Variants in SCIN observed in about 807,000 individuals in gnomAD.
The protein encoded by SCIN is scinderin.
SCIN carries 91 observed loss-of-function variants against 91.8 expected under a neutral mutation model. That is an observed-to-expected ratio of 0.99 (90% CI 0.84 to 1.18). SCIN has a LOEUF of 1.18. SCIN is among the 50% of genes most tolerant of loss of function. SCIN has a pLI of 0.00. For synonymous variants in SCIN, 367 were observed against 312.6 expected (o/e 1.17, Z -1.84); for missense variants, 1,087 against 863.9 (o/e 1.26, Z -3.24).
In SCIN at chr7:12,578,096, G is replaced by A; in HGVS notation, c.232G>A (p.Ala78Thr). 6.5e-7 allele frequency: 1 copy of A among 1,547,788 alleles called. No homozygotes were observed. The highest frequency in any genetic ancestry group is 8.7e-7 in the Non-Finnish European group (1 of 1,145,196). Residue 78 changes from alanine (A) to threonine (T), a missense_variant, in exon 2 of 16, where the codon GCT becomes ACT. Transcript: ENST00000297029. ...KECSQDESTA[A>T]AIFTVQMDDY... ...GTGTTCCCAGGATGAAAGCACAGCT[G>A]CTGCCATCTTCACTGTTCAGATGGA...
intron 9 of SCIN, among the ~76,000 whole-genome samples, chr7:12,629,559 T>TA (rs1371980391): frequency 6.6e-6 from 1 of 152,156 alleles, no homozygotes; most frequent in Non-Finnish European, 1.5e-5. Context: ...CATGGTTTCT[T>TA]ATGGTTAAAA....
At chr7:12,571,569 G>A (rs541705715) in intron 1 of SCIN, 1 of 468,240 alleles carries the variant, frequency 2.1e-6, no homozygotes, top group East Asian at 7.0e-5. Context: ...CATGCTGCTT[G>A]TGGGTCTGGT....
intron 5 of SCIN, among the ~76,000 whole-genome samples, chr7:12,624,760 G>T (rs1433367180): frequency 6.6e-6 from 1 of 152,030 alleles, no homozygotes; most frequent in African/African-American, 2.4e-5. Flanking sequence ...TTTATTTGTA[G>T]TTCCTTTACC....
chr7:12,596,586 A>C (rs1782847263), intron 3 of SCIN, among the ~76,000 whole-genome samples: 1 of 152,194 alleles, frequency 6.6e-6, no homozygotes, highest in Admixed American at 6.5e-5. Context: ...ACCTGTAACA[A>C]TACGCATGAA....
In SCIN at chr7:12,570,985, G is replaced by A. The variant is rs550577206; in HGVS notation, c.199G>A (p.Gly67Arg). Residue 67 changes from glycine (G) to arginine (R), a missense_variant and splice_region_variant, in exon 1 of 16, where the codon GGA becomes AGA. Physicochemically the swap from Gly to Arg is moderately radical, Grantham distance 125. Coordinates refer to ENST00000297029, the MANE Select transcript of SCIN (RefSeq NM_001112706.3). ...CACCTACCACCTGCACTTCTGGCTC[G>A]GTAAGGGACGGCGGGCGGCGGGACC... ...GFTYHLHFWL[G>R]KECSQDESTA... The A allele has an allele frequency of 6.5e-7, 1 of 1,547,772 alleles. No homozygotes were observed. The highest frequency in any genetic ancestry group is 8.7e-7 in the Non-Finnish European group (1 of 1,144,486).
At chr7:12,629,452 T>C (rs1472028442) in intron 9 of SCIN, among the ~76,000 whole-genome samples, 1 of 152,122 alleles carries the variant, frequency 6.6e-6, no homozygotes, top group African/African-American at 2.4e-5. Flanking sequence ...GGCAAAAAGT[T>C]TTGATATCCT....
rs116529490 is a variant in SCIN at position 12,584,253 on chromosome 7, A to G, written c.516+3032A>G. ...GTAATTGCGCTAGTTATCCAAAGAC[A>G]ACCTTCTGCATCAGAGAGCCTAAAA... On this transcript the variant is annotated intron_variant, in intron 3 of 15. Coordinates refer to ENST00000297029, the MANE Select transcript of SCIN (RefSeq NM_001112706.3). 9.8e-3 allele frequency among the ~76,000 whole-genome samples: 1,498 copies of G among 152,318 alleles called. 24 individuals carry two copies. Among genetic ancestry groups the G allele is most frequent in the African/African-American group, 0.034 (1,416 of 41,562 alleles).
Position 12,644,304 on chromosome 7 carries a change from G to A in SCIN, c.1748G>A (p.Gly583Asp). 6.3e-7 allele frequency: 1 copy of A among 1,584,474 alleles called. No homozygotes were observed. Among genetic ancestry groups the A allele is most frequent in the Non-Finnish European group, 8.6e-7 (1 of 1,164,688 alleles). The stretch of plus-strand genomic sequence containing the variant: ...TGCAAAACCTTAAGGATCCAAGAAG[G>A]CGAGGAGCCAGGTGTGTGCTCTGGG... ...LKCKTLRIQE[G>D]EEPEEFWNSL... The change falls in exon 12 of 16, where the codon GGC becomes GAC. Residue 583 changes from glycine to aspartate, a missense_variant. Physicochemically the swap from Gly to Asp is moderately conservative, Grantham distance 94 (BLOSUM62 -1). Transcript: ENST00000297029.
intron 4 of SCIN, among the ~76,000 whole-genome samples, chr7:12,605,623 ATGTG>A (rs923602697): frequency 2.6e-5 from 4 of 152,212 alleles, no homozygotes; most frequent in African/African-American, 9.7e-5. Context: ...ATGAAACAAA[ATGTG>A]TGTTAAGTAC....
chr7:12,609,794 G>A (rs1474089304), intron 4 of SCIN, among the ~76,000 whole-genome samples: 3 of 151,998 alleles, frequency 2.0e-5, no homozygotes, highest in African/African-American at 7.2e-5. Flanking sequence ...CTGAACTGTT[G>A]TTGAACTCTT....
chr7:12,587,355 G>A (rs1562598387), intron 3 of SCIN, among the ~76,000 whole-genome samples: 1 of 152,212 alleles, frequency 6.6e-6, no homozygotes, highest in Non-Finnish European at 1.5e-5. Context: ...GGGGTGGGGA[G>A]TGAGGATGAG....
intron 1 of SCIN, among the ~76,000 whole-genome samples, chr7:12,573,010 A>G (rs1213524880): frequency 6.6e-6 from 1 of 152,180 alleles, no homozygotes; most frequent in East Asian, 1.9e-4. Flanking sequence ...CTTTAGAGAA[A>G]AAAAAAATGA....
Position 12,578,165 on chromosome 7 carries a change from G to A in SCIN, c.301G>A (p.Gly101Arg), listed in dbSNP as rs764614755. 5.8e-6 allele frequency: 9 copies of A among 1,550,946 alleles called. No individual in the cohort carries two copies. The highest frequency in any genetic ancestry group is 7.8e-6 in the Non-Finnish European group (9 of 1,146,562). Residue 101 changes from glycine (G) to arginine (R), a missense_variant, in exon 2 of 16, where the codon GGA (glycine) becomes AGA (arginine). By Grantham distance (125) the Gly-to-Arg change is moderately radical. Coordinates refer to ENST00000297029, the MANE Select transcript of SCIN (RefSeq NM_001112706.3). ...GKPVQNRELQ[G>R]YESNDFVSYF... ...GCCAGTGCAGAATAGAGAACTTCAA[G>A]GATATGAGTCTAATGACTTTGTTAG...
intron 13 of SCIN, 147 bp from the exon 14 acceptor site, chr7:12,649,320 A>G: frequency 2.0e-6 from 1 of 492,446 alleles, no homozygotes; most frequent in Admixed American, 3.8e-5. Flanking sequence ...ACAATTATTT[A>G]AATTTTTATT....
intron 9 of SCIN, among the ~76,000 whole-genome samples, chr7:12,631,126 T>C (rs934430241): frequency 6.6e-6 from 1 of 152,218 alleles, no homozygotes; most frequent in Non-Finnish European, 1.5e-5. Flanking sequence ...TATGTGGACA[T>C]ATTAAAATAG....
intron 4 of SCIN, among the ~76,000 whole-genome samples, chr7:12,617,201 A>C (rs1583302002): frequency 6.6e-6 from 1 of 152,228 alleles, no homozygotes; most frequent in East Asian, 1.9e-4. Flanking sequence ...TGCATATGTA[A>C]AGGTGAAGAA....
intron 4 of SCIN, among the ~76,000 whole-genome samples, chr7:12,619,247 A>G (rs1783357811): frequency 6.6e-6 from 1 of 152,168 alleles, no homozygotes; most frequent in Non-Finnish European, 1.5e-5. Flanking sequence ...TGCATTACAA[A>G]TATTTATTCT....
intron 3 of SCIN, among the ~76,000 whole-genome samples, chr7:12,600,961 G>A (rs1185846779): frequency 6.6e-6 from 1 of 152,084 alleles, no homozygotes; most frequent in East Asian, 1.9e-4. Flanking sequence ...ACCTCCACAT[G>A]TATGCCTCAT....
chr7:12,606,703 C>G (rs1783086555), intron 4 of SCIN, among the ~76,000 whole-genome samples: 1 of 151,960 alleles, frequency 6.6e-6, no homozygotes, highest in South Asian at 2.1e-4. Flanking sequence ...AAAATATTAC[C>G]AGTATTACAT....
Sources: allele counts gnomAD v4.1 joint callset (sites outside exome capture counted in the v4.1 genomes callset), GRCh38; gene constraint gnomAD v4.1.1; transcripts MANE v1.5; gene names NCBI Gene and HGNC (gene_info 2026-07-23, HGNC 2026-07-21).